The following RAB28 variants were observed in gnomAD, a reference collection of about 807,000 sequenced individuals.
RAB28 encodes the protein RAB28, member RAS oncogene family, also known as ras-related protein Rab-28.
Under a neutral mutation model 31.7 loss-of-function variants are expected in RAB28, and 24 were observed. The observed-to-expected ratio is 0.76, with a 90% confidence interval of 0.55 to 1.06. The LOEUF is 1.06. Ranked by LOEUF, RAB28 falls within the 50% of genes least tolerant of loss-of-function variation. RAB28 has a pLI of 0.00. For missense variants in RAB28, 254 were observed against 258.5 expected (o/e 0.98, Z 0.12); for synonymous variants, 100 against 90.4 (o/e 1.11, Z -0.60).
intron 4 of RAB28, among the ~76,000 whole-genome samples, chr4:13,400,838 T>A (rs916503289): frequency 2.0e-5 from 3 of 152,340 alleles, no homozygotes; most frequent in African/African-American, 7.2e-5. Context: ...ACCATATGGC[T>A]TATTTAGCCT....
chr4:13,394,764 C>A (rs1465932321), intron 4 of RAB28, among the ~76,000 whole-genome samples: 4 of 151,950 alleles, frequency 2.6e-5, no homozygotes, highest in Admixed American at 2.6e-4. Context: ...AGGTTGTAAC[C>A]AACAGCACAA....
chr4:13,389,216 A>G (rs1433917601), intron 4 of RAB28, among the ~76,000 whole-genome samples: 1 of 152,152 alleles, frequency 6.6e-6, no homozygotes, highest in Non-Finnish European at 1.5e-5. Flanking sequence ...CCAAATGCAA[A>G]TATCATATGA....
At position 13,376,599 on chromosome 4, in the gene RAB28, A is replaced by G. The variant is rs764716421; in HGVS notation, c.519T>C (p.Val173=). 6.2e-7 allele frequency: 1 copy of G among 1,603,514 alleles called. No homozygotes were observed. Among genetic ancestry groups the G allele is most frequent in the Non-Finnish European group, 8.5e-7 (1 of 1,175,842 alleles). The change falls in exon 6 of 7, where the codon GTT becomes GTC. Residue 173 remains valine, a synonymous_variant. Transcript: ENST00000330852. ...ATTTGATCCCAAGGATTTCAGCAGC[A>G]ACTTTCTGAAAGCACAGGAAGACCT... The part of the protein sequence containing the change: ...GDSVFLCFQK[V]AAEILGIKLN...
chr4:13,437,218 A>G (rs1448323655), intron 4 of RAB28, among the ~76,000 whole-genome samples: 2 of 152,180 alleles, frequency 1.3e-5, no homozygotes, highest in Non-Finnish European at 2.9e-5. Flanking sequence ...TCAACTCAAG[A>G]TGGGTTAAAG....
At chr4:13,383,621 A>T (rs1439978599) in intron 4 of RAB28, among the ~76,000 whole-genome samples, 5 of 152,140 alleles carry the variant, frequency 3.3e-5, no homozygotes, top group Non-Finnish European at 1.5e-5. Flanking sequence ...TCATCTGGAA[A>T]TGTAGCTCCC....
intron 1 of RAB28, among the ~76,000 whole-genome samples, chr4:13,480,298 G>A (rs975031966): frequency 6.6e-6 from 1 of 151,702 alleles, no homozygotes; most frequent in Admixed American, 6.6e-5. Flanking sequence ...AATTATTCTA[G>A]TAACAACTGA....
intron 4 of RAB28, among the ~76,000 whole-genome samples, chr4:13,425,047 A>G (rs1337037339): frequency 6.6e-6 from 1 of 152,202 alleles, no homozygotes; most frequent in Non-Finnish European, 1.5e-5. Context: ...AAATTGCTCT[A>G]TACAGATAAG....
intron 4 of RAB28, among the ~76,000 whole-genome samples, chr4:13,434,039 T>C (rs1196938672): frequency 6.6e-6 from 1 of 152,120 alleles, no homozygotes. Flanking sequence ...GAGGCCACTA[T>C]CCTAAATGAA....
rs77366135 is a variant in RAB28 at position 13,460,892 on chromosome 4, C to T, written c.262-64G>A. 39,213 of 1,470,236 alleles carry T rather than the reference C, an allele frequency of 0.027. 649 individuals carry two copies. Among genetic ancestry groups the T allele is most frequent in the Middle Eastern group, 0.034 (191 of 5,694 alleles). 91.1% of individuals were successfully genotyped at this position (1,470,236 alleles called of 1,614,324 possible). ...TTTGGTGAAAAAATCTTAATGAATA[C>T]TTGCGTAATGCTTCAGATATGTCAA... is the stretch of plus-strand genomic sequence containing the variant. On this transcript the variant is annotated intron_variant, in intron 3 of 6. Transcript: ENST00000330852.
intron 4 of RAB28, among the ~76,000 whole-genome samples, chr4:13,384,154 C>T (rs1332576450): frequency 6.6e-6 from 1 of 152,170 alleles, no homozygotes; most frequent in Non-Finnish European, 1.5e-5. Flanking sequence ...CAATGGACCT[C>T]CCCTACCCTG....
intron 4 of RAB28, among the ~76,000 whole-genome samples, chr4:13,383,542 G>C (rs1353836221): frequency 6.6e-6 from 1 of 152,134 alleles, no homozygotes; most frequent in Non-Finnish European, 1.5e-5. Context: ...TATTGTGGCA[G>C]GTAGTGATAT....
At chr4:13,393,743 T>C (rs896218719) in intron 4 of RAB28, among the ~76,000 whole-genome samples, 14 of 151,274 alleles carry the variant, frequency 9.3e-5, no homozygotes, top group African/African-American at 3.4e-4. Flanking sequence ...GCAAGTTTTA[T>C]ACATATTATA....
intron 4 of RAB28, among the ~76,000 whole-genome samples, chr4:13,423,015 G>A (rs1427237555): frequency 6.6e-6 from 1 of 151,790 alleles, no homozygotes; most frequent in Admixed American, 6.6e-5. Context: ...TGATACATTC[G>A]AGGAAGTATT....
intron 4 of RAB28, among the ~76,000 whole-genome samples, chr4:13,390,051 C>T (rs903290165): frequency 6.6e-6 from 1 of 152,040 alleles, no homozygotes; most frequent in Non-Finnish European, 1.5e-5. Context: ...TTGGAAGTTC[C>T]GGCCGAGCAA....
chr4:13,392,426 G>C (rs1386618775), intron 4 of RAB28, among the ~76,000 whole-genome samples: 1 of 152,078 alleles, frequency 6.6e-6, no homozygotes, highest in East Asian at 1.9e-4. Flanking sequence ...TTATATACAA[G>C]AATTTGTCCC....
chr4:13,458,287 C>T (rs1470543664), intron 4 of RAB28, among the ~76,000 whole-genome samples: 1 of 151,582 alleles, frequency 6.6e-6, no homozygotes, highest in Non-Finnish European at 1.5e-5. Flanking sequence ...ACATTCACAC[C>T]TGTGTCATCA....
At chr4:13,418,162 G>A (rs1031671280) in intron 4 of RAB28, among the ~76,000 whole-genome samples, 1 of 152,114 alleles carries the variant, frequency 6.6e-6, no homozygotes, top group Non-Finnish European at 1.5e-5. Context: ...AGCGATTGAA[G>A]ATCAAATTAA....
intron 4 of RAB28, among the ~76,000 whole-genome samples, chr4:13,451,443 T>C (rs1020243739): frequency 2.6e-5 from 4 of 151,046 alleles, no homozygotes; most frequent in Non-Finnish European, 4.5e-5. Context: ...TTTTTGCTGT[T>C]GAGATGTCTG....
At chr4:13,411,996 T>C (rs1194491595) in intron 4 of RAB28, among the ~76,000 whole-genome samples, 2 of 150,522 alleles carry the variant, frequency 1.3e-5, no homozygotes, top group African/African-American at 2.4e-5. Context: ...CAGGGTCAGA[T>C]AGTTTAGTTT....
Sources: allele counts gnomAD v4.1 joint callset (sites outside exome capture counted in the v4.1 genomes callset), GRCh38; gene constraint gnomAD v4.1.1; transcripts MANE v1.5; gene names NCBI Gene and HGNC (gene_info 2026-07-23, HGNC 2026-07-21).